EML3: variants seen among roughly 807,000 people sequenced by gnomAD.
EML3 encodes the protein EMAP like 3, also known as echinoderm microtubule-associated protein-like 3.
In EML3, 53 loss-of-function variants were observed where a neutral mutation model predicts 106.7. The ratio of observed to expected loss-of-function variants is 0.50; its 90% CI spans 0.40 to 0.62. The LOEUF is 0.62. Ranked by LOEUF, EML3 falls within the 20% of genes least tolerant of loss-of-function variation. EML3 has a pLI of 0.00. For missense variants in EML3, 994 were observed against 1,209.1 expected (o/e 0.82, Z 2.64); for synonymous variants, 499 against 489.6 (o/e 1.02, Z -0.25).
rs1304581834 is a variant in EML3 at position 62,612,546 on chromosome 11, C to G, written c.-89G>C. ...CCGGGGAGAGGGGAAGGGGAAGCAC[C>G]CCGGGGCGCGCGCGAAGGGCGCCGT... On this transcript the variant is annotated 5_prime_UTR_variant, in exon 1 of 22. Coordinates refer to ENST00000394773, the MANE Select transcript of EML3 (RefSeq NM_153265.3). 3.9e-6 allele frequency: 5 copies of G among 1,270,148 alleles called. No homozygotes were observed. In the South Asian group the frequency reaches 8.6e-5, roughly 22 times the overall value. The allele number at this position is 1,270,148 out of a possible 1,614,324, so 78.7% of individuals were successfully genotyped here. A position where few individuals can be genotyped will look rare whatever the true frequency, so the allele number is the denominator to read the frequency against.
chr11:62,602,700 C>A (rs779793015), intron 21 of EML3, 22 bp from the exon 22 acceptor site: 20 of 1,597,368 alleles, frequency 1.3e-5, no homozygotes, highest in Non-Finnish European at 1.5e-5. Flanking sequence ...GGAAGAGTTG[C>A]GGTGGCGGCT....
chr11:62,602,700 C>G (rs779793015), intron 21 of EML3, 22 bp from the exon 22 acceptor site: 1 of 1,597,368 alleles, frequency 6.3e-7, no homozygotes. Context: ...GGAAGAGTTG[C>G]GGTGGCGGCT....
chr11:62,603,252 G>C lies in EML3; in HGVS notation c.2258-5C>G. On this transcript the variant is annotated splice_polypyrimidine_tract_variant and splice_region_variant and intron_variant, in intron 19 of 21. Coordinates refer to ENST00000394773, the MANE Select transcript of EML3 (RefSeq NM_153265.3). ...TGCAGCCTCCAGCCACGTCCCCTGG[G>C]GAGAGGGAGCCCGCCCAGCTCAGCT... The C allele has an allele frequency of 6.2e-7, 1 of 1,612,924 alleles. No homozygotes were observed. Among genetic ancestry groups the C allele is most frequent in the Non-Finnish European group, 8.5e-7 (1 of 1,179,862 alleles).
chr11:62,603,258 G>C lies in EML3; in HGVS notation c.2258-11C>G. 2 of 1,612,110 alleles carry C rather than the reference G, an allele frequency of 1.2e-6. No individual in the cohort carries two copies. Among genetic ancestry groups the C allele is most frequent in the Non-Finnish European group, 1.7e-6 (2 of 1,179,540 alleles). ...CTCCAGCCACGTCCCCTGGGGAGAG[G>C]GAGCCCGCCCAGCTCAGCTCTCACC... On this transcript the variant is annotated splice_polypyrimidine_tract_variant and intron_variant, in intron 19 of 21. Transcript: ENST00000394773.
At chr11:62,608,690 G>A (rs1370862693) in intron 8 of EML3, 38 bp from the exon 9 acceptor site, 3 of 1,613,948 alleles carry the variant, frequency 1.9e-6, no homozygotes, top group Non-Finnish European at 2.5e-6. Context: ...AGCAAAATTG[G>A]AGTGCAATTC....
rs1942717987 is a variant in EML3 at position 62,609,699 on chromosome 11, G to A, written c.567-3C>T. ...AGAGGGGGTCTTTTCCCCCACGGCTGTTGGGAAGAGAGAAAGCACAGGGAT... is the reference window on the plus strand; with the variant it reads ...AGAGGGGGTCTTTTCCCCCACGGCTATTGGGAAGAGAGAAAGCACAGGGAT... On this transcript the variant is annotated splice_polypyrimidine_tract_variant and splice_region_variant and intron_variant, in intron 4 of 21. Coordinates refer to ENST00000394773, the MANE Select transcript of EML3 (RefSeq NM_153265.3). 6.3e-7 allele frequency: 1 copy of A among 1,595,156 alleles called. No homozygotes were observed. Among genetic ancestry groups the A allele is most frequent in the Non-Finnish European group, 8.5e-7 (1 of 1,172,086 alleles).
At chr11:62,609,562 T>C (rs747526582) in intron 5 of EML3, 67 bp downstream of exon 5, 3 of 1,560,856 alleles carry the variant, frequency 1.9e-6, no homozygotes, top group Non-Finnish European at 1.7e-6. Context: ...CCAAAATAGC[T>C]CCTGGGGCTA....
At position 62,609,034 on chromosome 11, in the gene EML3, G is replaced by T; in HGVS notation, c.857C>A (p.Pro286His). ...FIACVVVLYR[P>H]GGGPGGPGGG... ...TCCAGGACCCCCTGGGCCTCCTCCA[G>T]GCCGGTACAGCACCACCACACAGGC... The change falls in exon 7 of 22, where the codon CCT (proline) becomes CAT (histidine). Residue 286 changes from proline (P) to histidine (H), a missense_variant. Pro to His is a moderately conservative substitution (Grantham distance 77, BLOSUM62 -2). This residue lies in a region of EML3 where 713 missense variants were observed against 920.5 expected (regional missense o/e 0.77). Coordinates refer to ENST00000394773, the MANE Select transcript of EML3 (RefSeq NM_153265.3). 1 of 1,613,996 alleles carries T rather than the reference G, an allele frequency of 6.2e-7. No individual in the cohort carries two copies. The highest frequency in any genetic ancestry group is 8.5e-7 in the Non-Finnish European group (1 of 1,180,024).
intron 4 of EML3, 51 bp from the exon 5 acceptor site, chr11:62,609,747 A>C (rs1371216485): frequency 6.7e-7 from 1 of 1,499,776 alleles, no homozygotes; most frequent in East Asian, 2.3e-5. Flanking sequence ...CCAAGACCTA[A>C]GCGGGGAGGG....
chr11:62,611,809 T>A (rs1257927829), intron 1 of EML3: 1 of 591,144 alleles, frequency 1.7e-6, no homozygotes, highest in Non-Finnish European at 2.9e-6. Flanking sequence ...CAAAGCTCCC[T>A]TCCTGCTGCC....
intron 6 of EML3, 101 bp from the exon 7 acceptor site, chr11:62,609,233 T>C: frequency 1.3e-6 from 2 of 1,572,238 alleles, no homozygotes; most frequent in Non-Finnish European, 1.7e-6. Flanking sequence ...TAGAGCAGAA[T>C]GATGGTAGGA....
In EML3 at chr11:62,602,824, C is replaced by T. The variant is rs761343916; in HGVS notation, c.2422G>A (p.Val808Met). The T allele has an allele frequency of 6.2e-7, 1 of 1,608,516 alleles. No homozygotes were observed. The highest frequency in any genetic ancestry group is 1.1e-5 in the South Asian group (1 of 90,478). ...CAGAAGTCGTCGGCCACCGCCACCA[C>T]GCGCTCGTTGTGGGAGCGGCACAGG... The part of the protein sequence containing the change: ...NSLCRSHNER[V>M]VAVADDFCKV... Residue 808 changes from valine (V) to methionine (M), a missense_variant, in exon 21 of 22, where the codon GTG (valine) becomes ATG (methionine). By Grantham distance (21) the Val-to-Met change is conservative. Coordinates refer to ENST00000394773, the MANE Select transcript of EML3 (RefSeq NM_153265.3).
chr11:62,608,665 G>C lies in EML3; in HGVS notation c.1000-13C>G. 1 of 1,614,148 alleles carries C rather than the reference G, an allele frequency of 6.2e-7. No homozygotes were observed. Among genetic ancestry groups the C allele is most frequent in the Non-Finnish European group, 8.5e-7 (1 of 1,179,982 alleles). On this transcript the variant is annotated splice_polypyrimidine_tract_variant and intron_variant, in intron 8 of 21. Transcript: ENST00000394773. ...CAGGCTGCAGGGGCTGGTGGAGGAA[G>C]AGTCACAAGTGTGAAGCAAAATTGG...
At chr11:62,607,901 G>T in intron 10 of EML3, 80 bp from the exon 11 acceptor site, 1 of 1,526,240 alleles carries the variant, frequency 6.6e-7, no homozygotes, top group Admixed American at 1.9e-5. Context: ...TTTGCATCAT[G>T]ACAGCTGGCT....
In EML3 at chr11:62,611,007, G is replaced by A. The variant is rs1554966929; in HGVS notation, c.453-15C>T. 1.9e-6 allele frequency: 3 copies of A among 1,611,776 alleles called. No homozygotes were observed. In the East Asian group the frequency reaches 6.7e-5, roughly 36 times the overall value. Reference sequence around the variant, plus strand: ...TTCTTCGCGGCCTGGTGGGGGCATAGTGAAGGTCATTCCCTCCAACTGTAC... The same window carrying A: ...TTCTTCGCGGCCTGGTGGGGGCATAATGAAGGTCATTCCCTCCAACTGTAC... On this transcript the variant is annotated splice_polypyrimidine_tract_variant and intron_variant, in intron 3 of 21. Coordinates refer to ENST00000394773, the MANE Select transcript of EML3 (RefSeq NM_153265.3).
In EML3 at chr11:62,610,930, C is replaced by T. The variant is rs267603075; in HGVS notation, c.515G>A (p.Arg172Lys). 1.9e-6 allele frequency: 3 copies of T among 1,613,390 alleles called. No homozygotes were observed. Among genetic ancestry groups the T allele is most frequent in the Non-Finnish European group, 2.5e-6 (3 of 1,179,798 alleles). The stretch of plus-strand genomic sequence containing the variant: ...CAGGTTGGCGGAGGAGATTGCCTTC[C>T]TGGAGAGCTTCTGCCGAGGCCGCTC... ...PSERPRQKLS[R>K]KAISSANLLV... Residue 172 changes from arginine to lysine, a missense_variant, in exon 4 of 22, where the codon AGG becomes AAG. Transcript: ENST00000394773.
At chr11:62,610,338 C>A (rs909273669) in intron 4 of EML3, among the ~76,000 whole-genome samples, 1 of 152,120 alleles carries the variant, frequency 6.6e-6, no homozygotes, top group Non-Finnish European at 1.5e-5. Context: ...GTCCTGGGGC[C>A]CGTACATACT....
intron 11 of EML3, 145 bp from the exon 12 acceptor site, chr11:62,607,244 T>G (rs1942574191): frequency 1.1e-6 from 1 of 942,726 alleles, no homozygotes; most frequent in Non-Finnish European, 1.6e-6. Flanking sequence ...GGCCAGGAGT[T>G]TGTGACCAGC....
rs1942285691 is a variant in EML3 at position 62,602,591 on chromosome 11, C to G, written c.2575G>C (p.Gly859Arg). 1 of 1,547,908 alleles carries G rather than the reference C, an allele frequency of 6.5e-7. No individual in the cohort carries two copies. The highest frequency in any genetic ancestry group is 8.7e-7 in the Non-Finnish European group (1 of 1,148,698). ...CACTGGAAGATGCTGGCGTCCTTGC[C>G]GCCCAGCGAGACGAGGTGCGAGTCG... ...HDDSHLVSLG[G>R]KDASIFQWRV... Residue 859 changes from glycine to arginine, a missense_variant, in exon 22 of 22, where the codon GGC (glycine) becomes CGC (arginine). Transcript: ENST00000394773.
Sources: allele counts gnomAD v4.1 joint callset (sites outside exome capture counted in the v4.1 genomes callset), GRCh38; gene constraint gnomAD v4.1.1; regional missense constraint gnomAD v4.1.1; transcripts MANE v1.5; gene names NCBI Gene and HGNC (gene_info 2026-07-23, HGNC 2026-07-21).